Variants in ITFG1 observed in about 807,000 individuals in gnomAD.
The protein encoded by ITFG1 is T-cell immunomodulatory protein.
Under a neutral mutation model 81.8 loss-of-function variants are expected in ITFG1, and 34 were observed. The observed-to-expected ratio is 0.42, with a 90% CI of 0.32 to 0.55. The LOEUF (loss-of-function observed/expected upper bound fraction) is 0.55. Ranked by LOEUF, ITFG1 falls within the 20% of genes least tolerant of loss-of-function variation. ITFG1 has a pLI of 0.17. For missense variants in ITFG1, 672 were observed against 755.4 expected, an observed-to-expected ratio of 0.89 and a Z score of 1.29; for synonymous variants, 285 against 270.6, an observed-to-expected ratio of 1.05 and a Z score of -0.52.
chr16:47,376,543 T>C (rs1478741546), intron 6 of ITFG1, among the ~76,000 whole-genome samples: 3 of 152,228 alleles, frequency 2.0e-5, no homozygotes, highest in Non-Finnish European at 4.4e-5. Flanking sequence ...CCTATTATTG[T>C]AAAGGCCTAT....
chr16:47,293,888 A>G (rs1966947144), intron 10 of ITFG1, among the ~76,000 whole-genome samples: 1 of 151,840 alleles, frequency 6.6e-6, no homozygotes, highest in South Asian at 2.1e-4. Context: ...CCATATGTCT[A>G]TTTTTGTCAT....
chr16:47,235,267 G>T (rs1051644161), intron 13 of ITFG1, among the ~76,000 whole-genome samples: 4 of 149,756 alleles, frequency 2.7e-5, no homozygotes, highest in Non-Finnish European at 6.0e-5. Flanking sequence ...GGAGTTAAAG[G>T]TACTGGCAGA....
chr16:47,320,718 C>T (rs1170739055), intron 8 of ITFG1, among the ~76,000 whole-genome samples: 1 of 152,116 alleles, frequency 6.6e-6, no homozygotes, highest in African/African-American at 2.4e-5. Context: ...TAAAGGAGTC[C>T]ATTATCCCTA....
At chr16:47,247,491 C>T (rs747792453) in intron 12 of ITFG1, among the ~76,000 whole-genome samples, 15 of 152,088 alleles carry the variant, frequency 9.9e-5, no homozygotes, top group Admixed American at 2.0e-4. Context: ...TATCTGACAC[C>T]AATGCTGGCT....
At chr16:47,293,664 T>G (rs990083112) in intron 10 of ITFG1, among the ~76,000 whole-genome samples, 4 of 152,160 alleles carry the variant, frequency 2.6e-5, no homozygotes, top group Non-Finnish European at 5.9e-5. Context: ...GAAAAATGTC[T>G]ACTTGAGTCC....
intron 9 of ITFG1, chr16:47,312,950 A>C (rs1327276519): frequency 6.6e-6 from 1 of 152,224 alleles, no homozygotes; most frequent in Non-Finnish European, 1.5e-5. Flanking sequence ...TAAAGTTTTA[A>C]GTGATTCAAA....
intron 10 of ITFG1, among the ~76,000 whole-genome samples, chr16:47,288,798 A>G (rs1358938539): frequency 6.6e-6 from 1 of 152,136 alleles, no homozygotes; most frequent in Non-Finnish European, 1.5e-5. Flanking sequence ...CTTGGGGCTG[A>G]GGCACGAGAA....
At chr16:47,363,693 A>G (rs1485705982) in intron 8 of ITFG1, among the ~76,000 whole-genome samples, 1 of 152,182 alleles carries the variant, frequency 6.6e-6, no homozygotes, top group African/African-American at 2.4e-5. Context: ...ACTTCTCTAT[A>G]ATTTACTTTT....
intron 14 of ITFG1, among the ~76,000 whole-genome samples, chr16:47,205,812 C>T (rs914294786): frequency 2.6e-5 from 4 of 151,426 alleles, no homozygotes; most frequent in Non-Finnish European, 5.9e-5. Context: ...TGTCAATTTC[C>T]CCAGCTGGAA....
intron 6 of ITFG1, among the ~76,000 whole-genome samples, chr16:47,383,320 T>C (rs1968418507): frequency 6.6e-6 from 1 of 152,246 alleles, no homozygotes; most frequent in Non-Finnish European, 1.5e-5. Flanking sequence ...ATGAAGGTTT[T>C]AAAATATAAA....
intron 14 of ITFG1, among the ~76,000 whole-genome samples, chr16:47,181,112 GC>G (rs1965106384): frequency 6.7e-6 from 1 of 148,264 alleles, no homozygotes; most frequent in Non-Finnish European, 1.5e-5. Flanking sequence ...CTGCCCGGCC[GC>G]CCATCGTCTG....
At chr16:47,203,674 T>A (rs1032529499) in intron 14 of ITFG1, among the ~76,000 whole-genome samples, 3 of 152,210 alleles carry the variant, frequency 2.0e-5, no homozygotes, top group Admixed American at 2.0e-4. Flanking sequence ...GCTCAGGCTA[T>A]AATGTGATTG....
chr16:47,181,557 G>C (rs1216476107), intron 14 of ITFG1, among the ~76,000 whole-genome samples: 1 of 144,756 alleles, frequency 6.9e-6, no homozygotes, highest in South Asian at 2.2e-4. Flanking sequence ...GAGGTGGGGG[G>C]GGGTCAGCCC....
At chr16:47,451,504 C>A in intron 4 of ITFG1, 34 bp from the exon 5 acceptor site, 1 of 1,131,588 alleles carries the variant, frequency 8.8e-7, no homozygotes, top group Non-Finnish European at 1.3e-6. Context: ...GCAGCTATTT[C>A]TTTAAATTCT....
chr16:47,173,505 T>C (rs1964984882), intron 14 of ITFG1, among the ~76,000 whole-genome samples: 2 of 152,224 alleles, frequency 1.3e-5, no homozygotes, highest in African/African-American at 4.8e-5. Context: ...AGTTGAAATA[T>C]GGTATTAGAC....
chr16:47,199,045 A>C (rs1965391222), intron 14 of ITFG1, among the ~76,000 whole-genome samples: 1 of 152,160 alleles, frequency 6.6e-6, no homozygotes. Context: ...AGGCTGAGAC[A>C]GGTGGATCAC....
intron 4 of ITFG1, among the ~76,000 whole-genome samples, 179 bp from the exon 5 acceptor site, chr16:47,451,649 T>G (rs1039088312): frequency 6.6e-6 from 1 of 152,154 alleles, no homozygotes; most frequent in Non-Finnish European, 1.5e-5. Context: ...TAGGCCAAAG[T>G]GTATAATTTC....
chr16:47,240,983 C>A (rs1409039065), intron 12 of ITFG1, among the ~76,000 whole-genome samples: 2 of 151,664 alleles, frequency 1.3e-5, no homozygotes, highest in African/African-American at 4.8e-5. Flanking sequence ...ATACATAACT[C>A]CACTGAACTA....
At chr16:47,340,312 T>C (rs747615632) in intron 8 of ITFG1, among the ~76,000 whole-genome samples, 10 of 152,172 alleles carry the variant, frequency 6.6e-5, no homozygotes, top group African/African-American at 9.7e-5. Flanking sequence ...TTTTATTTGC[T>C]ATATGATTTA....
Sources: gnomAD v4.1 joint callset for allele counts (sites outside exome capture counted in the v4.1 genomes callset) on GRCh38, gnomAD v4.1.1 for gene constraint, MANE v1.5 for transcripts, NCBI Gene and HGNC (gene_info 2026-07-23, HGNC 2026-07-21) for gene names.